KDM5A: variants seen among roughly 807,000 people sequenced by gnomAD.
The protein encoded by KDM5A is lysine demethylase 5A.
Under a neutral mutation model 193.5 loss-of-function variants are expected in KDM5A, and 42 were observed. The observed-to-expected ratio is 0.22, with a 90% confidence interval of 0.17 to 0.28. The LOEUF (loss-of-function observed/expected upper bound fraction) is 0.28. KDM5A is among the 10% of genes least tolerant of loss of function. The probability of loss-of-function intolerance (pLI) is 1.00; values close to 1 mark genes in which losing one functional copy is unlikely to be tolerated. For missense variants in KDM5A, 1,692 were observed against 2,055.1 expected (o/e 0.82, Z 3.42); for synonymous variants, 796 against 718.1 (o/e 1.11, Z -1.73).
chr12:331,986 A>G, intron 12 of KDM5A, 48 bp from the exon 13 acceptor site: 1 of 1,560,620 alleles, frequency 6.4e-7, no homozygotes, highest in Non-Finnish European at 8.8e-7. Flanking sequence ...AATAAAAATA[A>G]CAAACAGAGG....
chr12:344,230 G>A (rs1944042477), intron 10 of KDM5A, among the ~76,000 whole-genome samples: 1 of 152,108 alleles, frequency 6.6e-6, no homozygotes, highest in African/African-American at 2.4e-5. Context: ...AGAGTAAGAA[G>A]AAACAAACAA....
intron 24 of KDM5A, among the ~76,000 whole-genome samples, chr12:301,215 G>A (rs1412354177): frequency 3.3e-5 from 5 of 152,088 alleles, no homozygotes; most frequent in Non-Finnish European, 7.4e-5. Flanking sequence ...ACCCGGCAGA[G>A]ACACAACAAA....
At chr12:333,122 T>C (rs564606811) in intron 12 of KDM5A, 1 of 269,296 alleles carries the variant, frequency 3.7e-6, no homozygotes, top group East Asian at 8.5e-5. Flanking sequence ...AAAATAACTT[T>C]AAATTAAAAA....
In KDM5A at chr12:331,902, C is replaced by G; in HGVS notation, c.1690G>C (p.Val564Leu). ...GAGTGATAGGCACGAGGAAATGTCA[C>G]AACAAACTCGCCAGCACACTGATTG... Reference protein sequence around the residue: ...RTNQCAGEFVVTFPRAYHSGF... With the variant: ...RTNQCAGEFVLTFPRAYHSGF... Residue 564 changes from valine (V) to leucine (L), a missense_variant, in exon 13 of 28, where the codon GTG (valine) becomes CTG (leucine). By Grantham distance (32) the Val-to-Leu change is conservative (BLOSUM62 1). Around this residue, in one of 11 missense-constraint regions of KDM5A, gnomAD observed 172 missense variants for 260.3 expected, o/e 0.66. Transcript: ENST00000399788. The G allele has an allele frequency of 6.2e-7, 1 of 1,614,006 alleles. No homozygotes were observed. Among genetic ancestry groups the G allele is most frequent in the Non-Finnish European group, 8.5e-7 (1 of 1,179,940 alleles).
chr12:380,261 CAAAAAA>C (rs776295511), intron 3 of KDM5A, among the ~76,000 whole-genome samples: 12 of 74,470 alleles, frequency 1.6e-4, no homozygotes, highest in Non-Finnish European at 3.2e-4. Context: ...ACTCCGTCTC[CAAAAAA>C]AAAAAAAAAA....
chr12:342,215 A>G (rs1944014617), intron 10 of KDM5A, among the ~76,000 whole-genome samples: 1 of 152,242 alleles, frequency 6.6e-6, no homozygotes, highest in Non-Finnish European at 1.5e-5. Context: ...GTACTATGCA[A>G]CTTTATCATG....
chr12:386,372 G>A (rs144083436), intron 1 of KDM5A, among the ~76,000 whole-genome samples: 7 of 152,230 alleles, frequency 4.6e-5, no homozygotes, highest in African/African-American at 9.6e-5. Context: ...ATACTGGACC[G>A]TCAGAAAAGA....
chr12:334,558 A>G (rs1332674048), intron 10 of KDM5A, 136 bp from the exon 11 acceptor site: 2 of 675,922 alleles, frequency 3.0e-6, no homozygotes, highest in African/African-American at 3.6e-5. Context: ...GCTCTTTGCT[A>G]TCCACTACAT....
At chr12:320,152 T>C (rs1242649414) in intron 18 of KDM5A, among the ~76,000 whole-genome samples, 1 of 152,034 alleles carries the variant, frequency 6.6e-6, no homozygotes, top group Non-Finnish European at 1.5e-5. Context: ...TGAAATGGAG[T>C]AAGACAAGAA....
At chr12:338,618 C>T (rs1230249415) in intron 10 of KDM5A, among the ~76,000 whole-genome samples, 2 of 152,078 alleles carry the variant, frequency 1.3e-5, no homozygotes, top group Admixed American at 1.3e-4. Context: ...TTGGAGACAG[C>T]CAATACAAGA....
At chr12:314,140 G>C (rs1943622187) in intron 19 of KDM5A, among the ~76,000 whole-genome samples, 2 of 152,100 alleles carry the variant, frequency 1.3e-5, no homozygotes, top group African/African-American at 4.8e-5. Flanking sequence ...TACGTGTTAG[G>C]CACTGTTCTA....
chr12:308,095 A>C (rs1252317148), intron 22 of KDM5A, 90 bp from the exon 23 acceptor site: 20 of 1,392,650 alleles, frequency 1.4e-5, no homozygotes, highest in Non-Finnish European at 1.9e-5. Flanking sequence ...CTTTCTCCCA[A>C]GTTATCAGTT....
In KDM5A at chr12:320,267, C is replaced by A. The variant is rs531202977; in HGVS notation, c.2541+728G>T. Among the ~76,000 whole-genome samples the A allele has an allele frequency of 2.0e-5, 3 of 152,220 alleles. No individual in the cohort carries two copies. The East Asian group carries it at 5.8e-4, about 29-fold the overall frequency. ...ATCCCAGCACTTTGGGAGGCCGAGG[C>A]GCGTGGACCACTTGAGGTCAGGAGT... On this transcript the variant is annotated intron_variant, in intron 18 of 27. Coordinates refer to ENST00000399788, the MANE Select transcript of KDM5A (RefSeq NM_001042603.3).
rs116581229 is a variant in KDM5A at position 288,827 on chromosome 12, A to G, written c.4867-3165T>C. Among the ~76,000 whole-genome samples, 1,515 of 152,344 alleles carry G rather than the reference A, an allele frequency of 9.9e-3. 18 individuals are homozygous for G. Among genetic ancestry groups the G allele is most frequent in the African/African-American group, 0.034 (1,421 of 41,580 alleles). On this transcript the variant is annotated intron_variant, in intron 27 of 27. Coordinates refer to ENST00000399788, the MANE Select transcript of KDM5A (RefSeq NM_001042603.3). ...CTCCCAATTTGCCAAGGAATGACAG[A>G]TTTCTCAGCATGTGGGAATTTCAGT...
At chr12:365,350 A>G (rs1426422695) in intron 4 of KDM5A, among the ~76,000 whole-genome samples, 2 of 152,194 alleles carry the variant, frequency 1.3e-5, no homozygotes, top group African/African-American at 4.8e-5. Flanking sequence ...CACCGCATCC[A>G]GCCAACATGG....
chr12:317,387 A>G (rs1404695388), intron 19 of KDM5A, among the ~76,000 whole-genome samples: 2 of 152,128 alleles, frequency 1.3e-5, no homozygotes, highest in African/African-American at 4.8e-5. Flanking sequence ...GCTCACCATG[A>G]TCTTCCCCCT....
At chr12:326,474 A>G (rs1943785690) in intron 14 of KDM5A, among the ~76,000 whole-genome samples, 1 of 152,234 alleles carries the variant, frequency 6.6e-6, no homozygotes, top group Non-Finnish European at 1.5e-5. Context: ...CAAAGAGACT[A>G]AAAAAACAGT....
intron 3 of KDM5A, among the ~76,000 whole-genome samples, chr12:375,013 T>C (rs1427172583): frequency 6.6e-6 from 1 of 152,226 alleles, no homozygotes; most frequent in Non-Finnish European, 1.5e-5. Flanking sequence ...TTAACATTTT[T>C]TCCTTCATTT....
At chr12:334,547 T>TGC (rs1943903574) in intron 10 of KDM5A, 125 bp from the exon 11 acceptor site, 1 of 704,344 alleles carries the variant, frequency 1.4e-6, no homozygotes, top group Admixed American at 2.2e-5. Flanking sequence ...ATACAATCTG[T>TGC]GCTCTTTGCT....
Sources: gnomAD v4.1 joint callset for allele counts (sites outside exome capture counted in the v4.1 genomes callset) on GRCh38, gnomAD v4.1.1 for gene constraint, gnomAD v4.1.1 regional missense constraint, MANE v1.5 for transcripts, NCBI Gene and HGNC (gene_info 2026-07-23, HGNC 2026-07-21) for gene names.